Variants in RAD51B observed in about 807,000 individuals in gnomAD.
RAD51B encodes RAD51 paralog B.
RAD51B carries 38 observed loss-of-function variants against 42.2 expected under a neutral mutation model. That is an observed-to-expected ratio of 0.90 (90% CI 0.70 to 1.18). The LOEUF is 1.18. Among genes scored for constraint, RAD51B ranks in the 50% most tolerant of loss-of-function variants. The pLI is 0.00. For synonymous variants in RAD51B, 154 were observed against 145.2 expected, an observed-to-expected ratio of 1.06 and a Z score of -0.43; for missense variants, 373 against 400.7, an observed-to-expected ratio of 0.93 and a Z score of 0.59.
chr14:68,140,741 AC>A (rs957081502), intron 7 of RAD51B, among the ~76,000 whole-genome samples: 1 of 152,120 alleles, frequency 6.6e-6, no homozygotes, highest in Non-Finnish European at 1.5e-5. Context: ...TAGATTTCAT[AC>A]TTTTTCAAAG....
At chr14:68,267,291 C>T (rs530535175) in intron 7 of RAD51B, among the ~76,000 whole-genome samples, 18 of 152,130 alleles carry the variant, frequency 1.2e-4, no homozygotes, top group African/African-American at 2.9e-4. Context: ...CCGTGACAAC[C>T]GCAGATATTA....
intron 7 of RAD51B, among the ~76,000 whole-genome samples, chr14:68,008,051 T>G (rs1251022892): frequency 6.6e-6 from 1 of 151,922 alleles, no homozygotes; most frequent in Non-Finnish European, 1.5e-5. Context: ...GTAAATTGAT[T>G]ACCTTTGTAG....
At chr14:67,909,281 G>A (rs1480140308) in intron 7 of RAD51B, among the ~76,000 whole-genome samples, 1 of 152,152 alleles carries the variant, frequency 6.6e-6, no homozygotes, top group Non-Finnish European at 1.5e-5. Flanking sequence ...TTAAACTAGA[G>A]TTATAACAAA....
chr14:68,052,992 T>A (rs2076418222), intron 7 of RAD51B, among the ~76,000 whole-genome samples: 1 of 152,110 alleles, frequency 6.6e-6, no homozygotes, highest in African/African-American at 2.4e-5. Context: ...CTATGTCTTA[T>A]CACCCATTAG....
intron 10 of RAD51B, among the ~76,000 whole-genome samples, chr14:68,601,242 G>T (rs982050583): frequency 5.3e-5 from 8 of 151,788 alleles, no homozygotes; most frequent in African/African-American, 9.7e-5. Flanking sequence ...TTTTTTTGGT[G>T]GGGGGGTGGG....
At chr14:68,433,646 G>A (rs1055376762) in intron 9 of RAD51B, among the ~76,000 whole-genome samples, 2 of 152,044 alleles carry the variant, frequency 1.3e-5, no homozygotes, top group East Asian at 1.9e-4. Context: ...TTAGCCATTC[G>A]TCTAATCTTT....
chr14:68,238,660 C>T lies in RAD51B; in HGVS notation c.757-53224C>T, dbSNP rs56028220. Among the ~76,000 whole-genome samples the T allele has an allele frequency of 2.2e-3, 341 of 152,342 alleles. 2 individuals are homozygous for T. Among genetic ancestry groups the T allele is most frequent in the Non-Finnish European group, 4.2e-3 (289 of 68,044 alleles). ...TTGATAGGTTATGCTAACCCTTACT[C>T]ATCACTGTAACACTCAGCTTGGTCT... On this transcript the variant is annotated intron_variant, in intron 7 of 10. Transcript: ENST00000471583.
intron 10 of RAD51B, among the ~76,000 whole-genome samples, chr14:68,473,687 A>G (rs560734260): frequency 6.6e-6 from 1 of 152,314 alleles, no homozygotes; most frequent in African/African-American, 2.4e-5. Context: ...AATAAATACT[A>G]AAATTTTGTC....
downstream of RAD51B, among the ~76,000 whole-genome samples, chr14:68,480,008 C>T (rs1188798976): frequency 6.6e-6 from 1 of 151,936 alleles, no homozygotes; most frequent in Non-Finnish European, 1.5e-5. Context: ...TCTAAAGGTT[C>T]TCATGTCACA....
chr14:68,592,638 A>G (rs1240994322), intron 10 of RAD51B, among the ~76,000 whole-genome samples: 1 of 152,270 alleles, frequency 6.6e-6, no homozygotes, highest in Non-Finnish European at 1.5e-5. Flanking sequence ...AGAAGCGACC[A>G]CTACATCGAT....
intron 7 of RAD51B, among the ~76,000 whole-genome samples, chr14:68,112,803 A>G (rs952401529): frequency 1.3e-5 from 2 of 152,152 alleles, no homozygotes; most frequent in Non-Finnish European, 2.9e-5. Flanking sequence ...TTAACACCCA[A>G]TTAGTGAGAC....
At chr14:68,193,676 T>G (rs1179162472) in intron 7 of RAD51B, among the ~76,000 whole-genome samples, 3 of 152,218 alleles carry the variant, frequency 2.0e-5, no homozygotes, top group Non-Finnish European at 4.4e-5. Flanking sequence ...TACTCAAAAT[T>G]TAAGGTGAAC....
chr14:68,468,124 C>T, intron 9 of RAD51B, 48 bp from the exon 10 acceptor site: 1 of 1,520,840 alleles, frequency 6.6e-7, no homozygotes, highest in Non-Finnish European at 9.1e-7. Context: ...AATAGAGGCC[C>T]ATCCCTGATC....
chr14:68,401,034 C>G (rs999591056), intron 8 of RAD51B, among the ~76,000 whole-genome samples: 5 of 152,134 alleles, frequency 3.3e-5, no homozygotes, highest in African/African-American at 1.2e-4. Flanking sequence ...TTCAGACAAT[C>G]TAGTTCTGTT....
At chr14:67,828,410 G>A (rs941795677) in intron 3 of RAD51B, among the ~76,000 whole-genome samples, 3 of 151,714 alleles carry the variant, frequency 2.0e-5, no homozygotes, top group African/African-American at 7.3e-5. Flanking sequence ...TTGTCGGATG[G>A]ATAGATTGAA....
In RAD51B at chr14:68,461,940, C is replaced by T. The variant is rs115798853; in HGVS notation, c.958-6232C>T. On this transcript the variant is annotated intron_variant, in intron 9 of 10. Transcript: ENST00000471583. ...TCATTGGAGAGAAACCTCCACACAC[C>T]AGCATAGGGATGAAGTGAAGAACAG... Among the ~76,000 whole-genome samples, 1,379 of 152,218 alleles carry T rather than the reference C, an allele frequency of 9.1e-3. 17 individuals are homozygous for T. Among genetic ancestry groups the T allele is most frequent in the African/African-American group, 0.031 (1,297 of 41,516 alleles).
Position 67,846,361 on chromosome 14 carries a change from G to T in RAD51B, c.315+11165G>T, listed in dbSNP as rs990103550. Among the ~76,000 whole-genome samples, 3 of 152,178 alleles carry T rather than the reference G, an allele frequency of 2.0e-5. No homozygotes were observed. In the South Asian group the frequency reaches 6.2e-4, roughly 31 times the overall value. ...GCGCGTTTGCAGTGGCAATGGCCAC[G>T]CAGTGGTGGGGTTACACTCTACACC... is the stretch of plus-strand genomic sequence containing the variant. On this transcript the variant is annotated intron_variant, in intron 4 of 10. Transcript: ENST00000471583.
At chr14:67,927,371 A>G (rs2044553288) in intron 7 of RAD51B, among the ~76,000 whole-genome samples, 2 of 152,206 alleles carry the variant, frequency 1.3e-5, no homozygotes, top group South Asian at 4.1e-4. Flanking sequence ...TTACTCTGAC[A>G]TATACATAAT....
intron 7 of RAD51B, among the ~76,000 whole-genome samples, chr14:68,085,936 A>G (rs1300927757): frequency 6.6e-6 from 1 of 152,142 alleles, no homozygotes. Context: ...GTGAATGTTT[A>G]CAGCTGAAGC....
Sources: gnomAD v4.1 joint callset for allele counts (sites outside exome capture counted in the v4.1 genomes callset) on GRCh38, gnomAD v4.1.1 for gene constraint, MANE v1.5 for transcripts, NCBI Gene and HGNC (gene_info 2026-07-23, HGNC 2026-07-21) for gene names.